The following CMKLR1 variants were observed in gnomAD, a reference collection of about 807,000 sequenced individuals.
CMKLR1 encodes the protein chemerin chemokine-like receptor 1.
In CMKLR1, 6 loss-of-function variants were observed where a neutral mutation model predicts 8.2. The observed-to-expected ratio is 0.73, with a 90% confidence interval of 0.40 to 1.44. The LOEUF (loss-of-function observed/expected upper bound fraction) is 1.44, where lower values mean the gene tolerates loss of function less well. Among genes scored for constraint, CMKLR1 ranks in the 40% most tolerant of loss-of-function variants. CMKLR1 has a pLI of 0.02. For synonymous variants in CMKLR1, 178 were observed against 181.2 expected (o/e 0.98, Z 0.14); for missense variants, 429 against 478.0 (o/e 0.90, Z 0.96).
intron 2 of CMKLR1, among the ~76,000 whole-genome samples, chr12:108,308,035 G>A (rs981823367): frequency 1.3e-5 from 2 of 152,224 alleles, no homozygotes; most frequent in Non-Finnish European, 2.9e-5. Flanking sequence ...GAGTGAGCAC[G>A]TGGGTAGAAT....
intron 2 of CMKLR1, among the ~76,000 whole-genome samples, chr12:108,298,055 T>C (rs1048703043): frequency 6.6e-6 from 1 of 152,198 alleles, no homozygotes; most frequent in Non-Finnish European, 1.5e-5. Context: ...CTTGAGGAAC[T>C]GGGTTGCTTT....
intron 2 of CMKLR1, among the ~76,000 whole-genome samples, chr12:108,302,283 G>A (rs1891298335): frequency 6.6e-6 from 1 of 152,242 alleles, no homozygotes; most frequent in Non-Finnish European, 1.5e-5. Flanking sequence ...CTCATGCCAT[G>A]CTGCAGGTAT....
chr12:108,322,257 G>A (rs1223335227), intron 2 of CMKLR1, among the ~76,000 whole-genome samples: 3 of 152,166 alleles, frequency 2.0e-5, no homozygotes, highest in Admixed American at 2.0e-4. Context: ...CTTACCTGGT[G>A]CATACCTCCC....
chr12:108,333,812 C>T (rs1892162625), intron 1 of CMKLR1, among the ~76,000 whole-genome samples: 1 of 152,256 alleles, frequency 6.6e-6, no homozygotes, highest in Non-Finnish European at 1.5e-5. Context: ...TTGATTCCAT[C>T]TGACAGTGCA....
chr12:108,317,989 C>T (rs746263215), intron 2 of CMKLR1: 4 of 152,166 alleles, frequency 2.6e-5, no homozygotes, highest in Non-Finnish European at 5.9e-5. Flanking sequence ...TTGCAACTGG[C>T]CTTTCTTGCC....
At chr12:108,334,657 G>T (rs1194025363) in intron 1 of CMKLR1, among the ~76,000 whole-genome samples, 1 of 152,178 alleles carries the variant, frequency 6.6e-6, no homozygotes, top group Non-Finnish European at 1.5e-5. Context: ...CCATGTACAC[G>T]TACATGAACA....
At position 108,292,126 on chromosome 12, in the gene CMKLR1, G is replaced by C; in HGVS notation, c.837C>G (p.Leu279=). ...FFLCWCPYHT[L]NLLELHHTAM... Reference sequence around the variant, plus strand: ...CAGTGTGGTGGAGCTCTAGGAGGTTGAGTGTGTGGTAGGGGCACCAGCAGA... The same window carrying C: ...CAGTGTGGTGGAGCTCTAGGAGGTTCAGTGTGTGGTAGGGGCACCAGCAGA... The change falls in exon 4 of 4, where the codon CTC becomes CTG. Residue 279 remains leucine, a synonymous_variant. Coordinates refer to ENST00000550402, the MANE Select transcript of CMKLR1 (RefSeq NM_001142343.2). The C allele has an allele frequency of 6.2e-7, 1 of 1,614,196 alleles. No individual in the cohort carries two copies. The highest frequency in any genetic ancestry group is 8.5e-7 in the Non-Finnish European group (1 of 1,180,030).
chr12:108,316,433 AGAG>A (rs1251061762), intron 2 of CMKLR1, among the ~76,000 whole-genome samples: 1 of 152,164 alleles, frequency 6.6e-6, no homozygotes, highest in Admixed American at 6.5e-5. Context: ...GCCAGCAGGA[AGAG>A]GAGAGACGCA....
chr12:108,323,858 C>T (rs1891918814), intron 2 of CMKLR1, among the ~76,000 whole-genome samples: 1 of 152,224 alleles, frequency 6.6e-6, no homozygotes, highest in Non-Finnish European at 1.5e-5. Context: ...CAGACAGTGG[C>T]ACAGGGGCCA....
intron 2 of CMKLR1, among the ~76,000 whole-genome samples, chr12:108,327,169 G>A (rs1402077764): frequency 2.6e-5 from 4 of 152,174 alleles, no homozygotes; most frequent in South Asian, 2.1e-4. Flanking sequence ...AGACAGAGAG[G>A]GGGGTTGGCT....
At chr12:108,331,053 T>C (rs1409990626) in intron 1 of CMKLR1, among the ~76,000 whole-genome samples, 3 of 152,298 alleles carry the variant, frequency 2.0e-5, no homozygotes, top group African/African-American at 7.2e-5. Flanking sequence ...CAGACAAGCA[T>C]GTCTCCCTAG....
chr12:108,317,322 C>T (rs1037311777), intron 2 of CMKLR1, among the ~76,000 whole-genome samples: 5 of 152,154 alleles, frequency 3.3e-5, no homozygotes, highest in Admixed American at 6.5e-5. Context: ...CCCACAAGAA[C>T]GCATTGTTTT....
intron 2 of CMKLR1, among the ~76,000 whole-genome samples, chr12:108,324,545 T>C (rs1355520155): frequency 6.6e-6 from 1 of 152,132 alleles, no homozygotes; most frequent in Non-Finnish European, 1.5e-5. Context: ...GAGGCGCCTC[T>C]CCCTGGAGCC....
chr12:108,301,387 A>G (rs1479130645), intron 2 of CMKLR1, among the ~76,000 whole-genome samples: 2 of 151,928 alleles, frequency 1.3e-5, no homozygotes, highest in African/African-American at 2.4e-5. Flanking sequence ...CGTCCACCCA[A>G]GTTTTCTATC....
Position 108,330,210 on chromosome 12 carries a change from A to G in CMKLR1, c.-286-3T>C, listed in dbSNP as rs1892073726. 6.6e-6 allele frequency: 1 copy of G among 152,228 alleles called. No individual in the cohort carries two copies. The highest frequency in any genetic ancestry group is 1.5e-5 in the Non-Finnish European group (1 of 68,066). The allele number at this position is 152,228 out of a possible 1,614,324, so 9.4% of individuals were successfully genotyped here. A position where few individuals can be genotyped will look rare whatever the true frequency, so the allele number is the denominator to read the frequency against. ...AGCAGTTCTGCTGGAGAGATGGGCT[A>G]CAGAGAGAGAGAAAGAGAGAAACAG... is the stretch of plus-strand genomic sequence containing the variant. On this transcript the variant is annotated splice_region_variant and splice_polypyrimidine_tract_variant and intron_variant, in intron 1 of 3. Coordinates refer to ENST00000550402, the MANE Select transcript of CMKLR1 (RefSeq NM_001142343.2).
chr12:108,331,045 G>A (rs1212917205), intron 1 of CMKLR1, among the ~76,000 whole-genome samples: 1 of 152,186 alleles, frequency 6.6e-6, no homozygotes, highest in Non-Finnish European at 1.5e-5. Context: ...CCATGAGCCA[G>A]ACAAGCATGT....
intron 2 of CMKLR1, among the ~76,000 whole-genome samples, chr12:108,314,597 T>C (rs1891668898): frequency 6.6e-6 from 1 of 152,242 alleles, no homozygotes. Flanking sequence ...TATGCACTGC[T>C]GGTGTAATCC....
chr12:108,329,041 G>A (rs7300846), intron 2 of CMKLR1, among the ~76,000 whole-genome samples: 66,511 of 152,068 alleles, frequency 0.44, 14,955 homozygotes, highest in Admixed American at 0.54. Context: ...GCTGGTTTAT[G>A]GGCCAGACAC....
intron 2 of CMKLR1, among the ~76,000 whole-genome samples, chr12:108,308,570 T>C (rs1891469321): frequency 1.3e-5 from 2 of 152,098 alleles, no homozygotes; most frequent in Non-Finnish European, 2.9e-5. Context: ...CTGTAGGAAG[T>C]GTGCTCAGCA....
Sources: allele counts gnomAD v4.1 joint callset (sites outside exome capture counted in the v4.1 genomes callset), GRCh38; gene constraint gnomAD v4.1.1; transcripts MANE v1.5; gene names NCBI Gene and HGNC (gene_info 2026-07-23, HGNC 2026-07-21).